SLTM: variants seen among roughly 807,000 people sequenced by gnomAD.
SLTM encodes SAFB-like transcription modulator.
Under a neutral mutation model 134.6 loss-of-function variants are expected in SLTM, and 43 were observed. That is an observed-to-expected ratio of 0.32 (90% CI 0.25 to 0.41). SLTM has a LOEUF of 0.41. Among genes scored for constraint, SLTM ranks in the 10% least tolerant of loss-of-function variants. SLTM has a pLI of 1.00. For synonymous variants in SLTM, 424 were observed against 432.3 expected (o/e 0.98, Z 0.24); for missense variants, 1,055 against 1,288.8 (o/e 0.82, Z 2.78).
At chr15:58,914,016 T>C (rs1181874675) in intron 3 of SLTM, among the ~76,000 whole-genome samples, 1 of 152,246 alleles carries the variant, frequency 6.6e-6, no homozygotes, top group African/African-American at 2.4e-5. Context: ...AAATACGGCT[T>C]CATTTTTCCA....
At chr15:58,881,323 G>A (rs1390279495) in intron 20 of SLTM, among the ~76,000 whole-genome samples, 2 of 152,130 alleles carry the variant, frequency 1.3e-5, no homozygotes, top group Non-Finnish European at 2.9e-5. Context: ...ACAGGAGTTT[G>A]AGACCAGCCT....
At chr15:58,917,967 T>C (rs1344440949) in intron 2 of SLTM, among the ~76,000 whole-genome samples, 3 of 151,998 alleles carry the variant, frequency 2.0e-5, no homozygotes, top group African/African-American at 7.3e-5. Context: ...TTGGCCAGGC[T>C]GGTTTCGAAC....
chr15:58,908,679 T>G (rs1368726285), intron 5 of SLTM, among the ~76,000 whole-genome samples: 1 of 152,162 alleles, frequency 6.6e-6, no homozygotes, highest in Non-Finnish European at 1.5e-5. Flanking sequence ...CAGACTAAAC[T>G]TTCAAAAGCA....
chr15:58,892,672 A>G (rs1236858463), intron 14 of SLTM, among the ~76,000 whole-genome samples: 1 of 152,154 alleles, frequency 6.6e-6, no homozygotes, highest in African/African-American at 2.4e-5. Flanking sequence ...TATAATGGGC[A>G]TAACTAGCCT....
chr15:58,903,138 G>T (rs1287731614), intron 5 of SLTM, among the ~76,000 whole-genome samples: 1 of 151,900 alleles, frequency 6.6e-6, no homozygotes, highest in Non-Finnish European at 1.5e-5. Flanking sequence ...CTGACCTCGT[G>T]ATCCACCCGC....
At chr15:58,917,051 C>G in intron 2 of SLTM, 52 bp from the exon 3 acceptor site, 1 of 1,545,778 alleles carries the variant, frequency 6.5e-7, no homozygotes, top group Non-Finnish European at 8.9e-7. Flanking sequence ...ACTTTAAGAA[C>G]AAAAAATATT....
intron 2 of SLTM, among the ~76,000 whole-genome samples, chr15:58,924,007 G>T (rs905057610): frequency 6.6e-6 from 1 of 152,020 alleles, no homozygotes; most frequent in Non-Finnish European, 1.5e-5. Context: ...TAGAGACAGG[G>T]TTTCATCATG....
chr15:58,900,896 G>C (rs2035440537), intron 6 of SLTM: 1 of 181,920 alleles, frequency 5.5e-6, no homozygotes, highest in Non-Finnish European at 1.1e-5. Flanking sequence ...AATTCACTGT[G>C]AGTTATGCAC....
chr15:58,921,248 G>A (rs1320416550), intron 2 of SLTM, among the ~76,000 whole-genome samples: 1 of 152,188 alleles, frequency 6.6e-6, no homozygotes, highest in Non-Finnish European at 1.5e-5. Flanking sequence ...TTACAAAAGA[G>A]ACACTAAGTC....
chr15:58,925,124 G>T (rs2037369227), intron 2 of SLTM, among the ~76,000 whole-genome samples: 1 of 151,642 alleles, frequency 6.6e-6, no homozygotes. Flanking sequence ...TGCAAGGGAG[G>T]GGAAGATTAA....
At position 58,899,553 on chromosome 15, in the gene SLTM, G is replaced by C. The variant is rs775030452; in HGVS notation, c.974C>G (p.Ser325Cys). Residue 325 changes from serine to cysteine, a missense_variant, in exon 7 of 21, where the codon TCT becomes TGT. Ser to Cys is a moderately radical substitution (Grantham distance 112). Around this residue, in one of 3 missense-constraint regions of SLTM, gnomAD observed 776 missense variants for 962.2 expected, o/e 0.81. Coordinates refer to ENST00000380516, the MANE Select transcript of SLTM (RefSeq NM_024755.4). This position sits in a 1 kb window ranked among gnomAD's most constrained non-coding sequence, Gnocchi z 5.0. ...TTTGTCTCCAGATTCTGCTTTCTTA[G>C]AACTTTCTCTGGCTTCCTTCTCGAC... ...DPVEKEARES[S>C]KKAESGDKEK... is the part of the protein sequence containing the mutation. 1 of 1,614,122 alleles carries C rather than the reference G, an allele frequency of 6.2e-7. No individual in the cohort carries two copies. The highest frequency in any genetic ancestry group is 1.6e-4 in the Middle Eastern group (1 of 6,062).
In SLTM at chr15:58,899,208, G is replaced by GA. The variant is rs375305679; in HGVS notation, c.1058+260dup. ...TAAAACACAAAAAAATTGTCAATTT[G>GA]AAAAAAAAAAACAAAAAACAAAAAA... On this transcript the variant is annotated intron_variant, in intron 7 of 20. Coordinates refer to ENST00000380516, the MANE Select transcript of SLTM (RefSeq NM_024755.4). This position sits in a 1 kb window ranked among gnomAD's most constrained non-coding sequence, Gnocchi z 5.0. The GA allele has an allele frequency of 0.074, 24,412 of 330,728 alleles. No individual in the cohort carries two copies. Among genetic ancestry groups the GA allele is most frequent in the Middle Eastern group, 0.1 (118 of 1,176 alleles). The allele number at this position is 330,728 out of a possible 1,614,324, so 20.5% of individuals were successfully genotyped here. A position where few individuals can be genotyped will look rare whatever the true frequency, so the allele number is the denominator to read the frequency against.
In SLTM at chr15:58,932,340, C is replaced by T; in HGVS notation, c.250+16G>A. Reference sequence around the variant, plus strand: ...ACCAAAATATATTTTAAAACATGTTCATAACTCGTAACAACCTTTGCCTTT... The same window carrying T: ...ACCAAAATATATTTTAAAACATGTTTATAACTCGTAACAACCTTTGCCTTT... On this transcript the variant is annotated intron_variant, in intron 2 of 20. Coordinates refer to ENST00000380516, the MANE Select transcript of SLTM (RefSeq NM_024755.4). 6.3e-7 allele frequency: 1 copy of T among 1,588,118 alleles called. No individual in the cohort carries two copies. The highest frequency in any genetic ancestry group is 8.6e-7 in the Non-Finnish European group (1 of 1,156,546).
Position 58,920,936 on chromosome 15 carries a change from C to T in SLTM, c.251-3937G>A, listed in dbSNP as rs1381616687. Among the ~76,000 whole-genome samples, 5 of 152,156 alleles carry T rather than the reference C, an allele frequency of 3.3e-5. No individual in the cohort carries two copies. The South Asian group carries it at 6.2e-4, about 19-fold the overall frequency. On this transcript the variant is annotated intron_variant, in intron 2 of 20. Coordinates refer to ENST00000380516, the MANE Select transcript of SLTM (RefSeq NM_024755.4). Reference sequence around the variant, plus strand: ...CACCAGTGCACTCTAGCCTTGGCAACACAGTGAGACTCCATCTCAAAAAAA... The same window carrying T: ...CACCAGTGCACTCTAGCCTTGGCAATACAGTGAGACTCCATCTCAAAAAAA...
rs1416743523 is a variant in SLTM at position 58,899,802 on chromosome 15, T to A, written c.725A>T (p.Asn242Ile). Residue 242 changes from asparagine to isoleucine, a missense_variant, in exon 7 of 21, where the codon AAC becomes ATC. Physicochemically the swap from Asn to Ile is moderately radical, Grantham distance 149. Around this residue, in one of 3 missense-constraint regions of SLTM, gnomAD observed 11 missense variants for 42.3 expected, o/e 0.26. Coordinates refer to ENST00000380516, the MANE Select transcript of SLTM (RefSeq NM_024755.4). The surrounding 1 kb of genome is among the most constrained non-coding windows in gnomAD (Gnocchi z 5.0). ...TTCAGCCTGGATTGTGACCGAGATG[T>A]TGTCATCCTCAGCTTCTTTCACAGT... is the stretch of plus-strand genomic sequence containing the variant. Reference protein sequence around the residue: ...HTTVKEAEDDNISVTIQAEDA... With the variant: ...HTTVKEAEDDIISVTIQAEDA... The A allele has an allele frequency of 6.2e-7, 1 of 1,614,166 alleles. No individual in the cohort carries two copies. The highest frequency in any genetic ancestry group is 1.1e-5 in the South Asian group (1 of 91,088).
intron 2 of SLTM, among the ~76,000 whole-genome samples, chr15:58,930,946 C>T (rs1003503226): frequency 6.6e-6 from 1 of 151,858 alleles, no homozygotes; most frequent in Non-Finnish European, 1.5e-5. Flanking sequence ...ATTTTCAATG[C>T]TAAAATAATA....
Position 58,912,535 on chromosome 15 carries a change from G to T in SLTM, c.561+28C>A, listed in dbSNP as rs765494482. The T allele has an allele frequency of 7.5e-6, 12 of 1,596,636 alleles. No homozygotes were observed. In the East Asian group the frequency reaches 2.7e-4, roughly 36 times the overall value. The stretch of plus-strand genomic sequence containing the variant: ...TCCAAGCCCGTCCACCCACAATATC[G>T]AATTCATAGGACTAAATGTAAACTT... On this transcript the variant is annotated intron_variant, in intron 5 of 20. Transcript: ENST00000380516.
chr15:58,903,476 G>C (rs1191717004), intron 5 of SLTM, among the ~76,000 whole-genome samples: 2 of 146,754 alleles, frequency 1.4e-5, no homozygotes, highest in African/African-American at 5.0e-5. Context: ...CCCCTGGAGG[G>C]CTTGTTAAAA....
At chr15:58,903,009 C>A (rs750064031) in intron 5 of SLTM, among the ~76,000 whole-genome samples, 20 of 152,180 alleles carry the variant, frequency 1.3e-4, no homozygotes, top group Non-Finnish European at 2.9e-4. Flanking sequence ...TCAAGCGATT[C>A]TCCTGCTTCA....
Sources: allele counts gnomAD v4.1 joint callset (sites outside exome capture counted in the v4.1 genomes callset), GRCh38; gene constraint gnomAD v4.1.1; regional missense constraint gnomAD v4.1.1; non-coding constraint Gnocchi (gnomAD v3.1); transcripts MANE v1.5; gene names NCBI Gene and HGNC (gene_info 2026-07-23, HGNC 2026-07-21).